The following MED24 variants were observed in gnomAD, a reference collection of about 807,000 sequenced individuals.
The protein encoded by MED24 is mediator complex subunit 24.
Under a neutral mutation model 118.8 loss-of-function variants are expected in MED24, and 74 were observed. That is an observed-to-expected ratio of 0.62 (90% CI 0.52 to 0.76). The LOEUF (loss-of-function observed/expected upper bound fraction) is 0.76, where lower values mean the gene tolerates loss of function less well. Ranked by LOEUF, MED24 falls within the 30% of genes least tolerant of loss-of-function variation. The pLI is 0.00. For synonymous variants in MED24, 521 were observed against 523.9 expected (o/e 0.99, Z 0.08); for missense variants, 1,041 against 1,278.9 (o/e 0.81, Z 2.84).
At chr17:40,036,270 C>A in intron 3 of MED24, 116 bp from the exon 4 acceptor site, 1 of 961,088 alleles carries the variant, frequency 1.0e-6, no homozygotes, top group South Asian at 1.4e-5. Flanking sequence ...CTTCCACAGG[C>A]CCTCTTCAAC....
intron 13 of MED24, among the ~76,000 whole-genome samples, chr17:40,029,381 A>G (rs1210168273): frequency 6.6e-6 from 1 of 152,104 alleles, no homozygotes; most frequent in African/African-American, 2.4e-5. Flanking sequence ...TGTTTTTAGT[A>G]GAGACTGGGT....
intron 24 of MED24, 114 bp downstream of exon 24, chr17:40,020,159 G>T: frequency 8.8e-7 from 1 of 1,138,150 alleles, no homozygotes; most frequent in Admixed American, 2.5e-5. Flanking sequence ...GCATGGAGAG[G>T]GAAGGGAGGG....
intron 24 of MED24, 40 bp downstream of exon 24, chr17:40,020,233 A>G (rs770084996): frequency 6.8e-7 from 1 of 1,469,654 alleles, no homozygotes; most frequent in Non-Finnish European, 9.1e-7. Context: ...AGACTCGTCC[A>G]GCTTAGCCCC....
chr17:40,024,177 C>T (rs181967449), intron 19 of MED24, among the ~76,000 whole-genome samples: 39 of 152,248 alleles, frequency 2.6e-4, no homozygotes, highest in East Asian at 1.2e-3. Flanking sequence ...AAGGGGAAAA[C>T]GAGATGTGCT....
rs1360694260 is a variant in MED24, at chr17:40,033,398, G to A, written c.618C>T (p.Leu206=). The A allele has an allele frequency of 2.5e-6, 4 of 1,611,526 alleles. No homozygotes were observed. Among genetic ancestry groups the A allele is most frequent in the Non-Finnish European group, 3.4e-6 (4 of 1,178,868 alleles). ...CCTGACTCCGGAGCTGCGGGTTGCT[G>A]AGATTGGCCAGGATCTCTCCAAGTT... ...LLKLGEILAN[L]SNPQLRSQAE... Residue 206 remains leucine (L), a synonymous_variant, in exon 7 of 26, where the codon CTC becomes CTT. Coordinates refer to ENST00000394128, the MANE Select transcript of MED24 (RefSeq NM_014815.4). This position sits in a 1 kb window ranked among gnomAD's most constrained non-coding sequence, Gnocchi z 5.2.
chr17:40,026,950 T>G lies in MED24; in HGVS notation c.1615A>C (p.Ile539Leu), dbSNP rs1982731317. 6.2e-7 allele frequency: 1 copy of G among 1,614,060 alleles called. No homozygotes were observed. The highest frequency in any genetic ancestry group is 1.1e-5 in the South Asian group (1 of 91,094). Reference protein sequence around the residue: ...MQTCMPEEGKILNPDHPCFRP... With the variant: ...MQTCMPEEGKLLNPDHPCFRP... ...AAGCAGGGGTGGTCAGGGTTCAGGA[T>G]CTTGCCCTCCTCAGGCATGCAGGTC... Residue 539 changes from isoleucine to leucine, a missense_variant, in exon 17 of 26, where the codon ATC becomes CTC. Ile to Leu is a conservative substitution (Grantham distance 5). Around this residue, in one of 3 missense-constraint regions of MED24, gnomAD observed 587 missense variants for 694.4 expected, o/e 0.85. Transcript: ENST00000394128.
At chr17:40,043,561 G>T (rs900442633) in intron 3 of MED24, among the ~76,000 whole-genome samples, 1 of 151,842 alleles carries the variant, frequency 6.6e-6, no homozygotes, top group Non-Finnish European at 1.5e-5. Context: ...TCCCTTACTG[G>T]ACTTTTGTCT....
chr17:40,050,574 C>T (rs147283006), intron 3 of MED24, among the ~76,000 whole-genome samples: 1 of 152,152 alleles, frequency 6.6e-6, no homozygotes, highest in African/African-American at 2.4e-5. Flanking sequence ...TGAGATCAGC[C>T]ATTGCACTCC....
chr17:40,021,924 G>A (rs1982060919), intron 23 of MED24, 31 bp downstream of exon 23: 1 of 1,478,208 alleles, frequency 6.8e-7, no homozygotes. Flanking sequence ...CCCAGGAAAA[G>A]GAGCGGCGCG....
chr17:40,019,728 C>A, intron 25 of MED24, 57 bp downstream of exon 25: 1 of 1,598,756 alleles, frequency 6.3e-7, no homozygotes, highest in South Asian at 1.1e-5. Context: ...CCTCCCTGCT[C>A]TAAGGGCTGC....
rs750937626 is a variant in MED24 at position 40,053,526 on chromosome 17, T to C, written c.73A>G (p.Ile25Val). The C allele has an allele frequency of 2.5e-6, 4 of 1,614,226 alleles. No individual in the cohort carries two copies. The Admixed American group carries it at 5.0e-5, about 20-fold the overall frequency. ...KERWSDYQWA[I>V]NMKKFFPKGA... is the part of the protein sequence containing the mutation. Reference sequence around the variant, plus strand: ...TTAGGAAAGAATTTCTTCATGTTGATTGCCCATTGGTAGTCACTCCAGCGC... The same window carrying C: ...TTAGGAAAGAATTTCTTCATGTTGACTGCCCATTGGTAGTCACTCCAGCGC... The change falls in exon 2 of 26, where the codon ATC (isoleucine) becomes GTC (valine). Residue 25 changes from isoleucine to valine, a missense_variant. Ile to Val is a conservative substitution (Grantham distance 29, BLOSUM62 3). Transcript: ENST00000394128.
intron 15 of MED24, 116 bp downstream of exon 15, chr17:40,027,793 G>C: frequency 8.7e-7 from 1 of 1,150,062 alleles, no homozygotes; most frequent in Non-Finnish European, 1.3e-6. Context: ...TCATGGCTCT[G>C]AGGAGGGAGC....
At chr17:40,043,199 C>T (rs146911764) in intron 3 of MED24, among the ~76,000 whole-genome samples, 1 of 152,278 alleles carries the variant, frequency 6.6e-6, no homozygotes, top group East Asian at 1.9e-4. Flanking sequence ...CCACCCACCT[C>T]GGCCTCCCAA....
In MED24 at chr17:40,036,115, C is replaced by A. The variant is rs1983906212; in HGVS notation, c.252+1G>T. ...TAGCTCCTGAGTGTCTATGGTCATA[C>A]CTTACTGATGGCTGTGAGGACAGAA... On this transcript the variant is annotated splice_donor_variant, in intron 4 of 25. Transcript: ENST00000394128. LOFTEE classifies it high-confidence loss of function. 1 of 1,611,850 alleles carries A rather than the reference C, an allele frequency of 6.2e-7. No homozygotes were observed. Among genetic ancestry groups the A allele is most frequent in the African/African-American group, 1.3e-5 (1 of 74,868 alleles).
intron 23 of MED24, 82 bp from the exon 24 acceptor site, chr17:40,020,435 C>A (rs549725136): frequency 4.5e-6 from 7 of 1,549,512 alleles, no homozygotes; most frequent in Non-Finnish European, 6.1e-6. Flanking sequence ...CCCAACCCGA[C>A]CTTCACCCAT....
Position 40,019,773 on chromosome 17 carries a change from G to T in MED24, c.2853+12C>A. The T allele has an allele frequency of 6.2e-7, 1 of 1,611,936 alleles. No homozygotes were observed. The highest frequency in any genetic ancestry group is 8.5e-7 in the Non-Finnish European group (1 of 1,178,740). Reference sequence around the variant, plus strand: ...CCAGCACCAGCAGGAGAGCCGGGAAGGTGGTACTCACGGTGGTGAAGGGCA... The same window carrying T: ...CCAGCACCAGCAGGAGAGCCGGGAATGTGGTACTCACGGTGGTGAAGGGCA... On this transcript the variant is annotated intron_variant, in intron 25 of 25. Transcript: ENST00000394128.
Position 40,020,325 on chromosome 17 carries a change from T to G in MED24, c.2652A>C (p.Ser884=). The G allele has an allele frequency of 6.3e-7, 1 of 1,597,560 alleles. No individual in the cohort carries two copies. Among genetic ancestry groups the G allele is most frequent in the Non-Finnish European group, 8.5e-7 (1 of 1,172,076 alleles). The change falls in exon 24 of 26, where the codon TCA becomes TCC. Residue 884 remains serine (S), a synonymous_variant. Transcript: ENST00000394128. The stretch of plus-strand genomic sequence containing the variant: ...TGTTGACCGTGTGGAGCTGAGAGGC[T>G]GAGAGGGAGCTGCTCATGGATCGGT... ...PTDRSMSSSL[S]ASQLHTVNMR...
In MED24 at chr17:40,050,151, CAA is replaced by C. The variant is rs530636875; in HGVS notation, c.213+3145_213+3146del. 9.0e-4 allele frequency among the ~76,000 whole-genome samples: 67 copies of C among 74,066 alleles called. No individual in the cohort carries two copies. In the South Asian group the frequency reaches 0.01, roughly 11 times the overall value. 48.6% of individuals were successfully genotyped at this position (74,066 alleles called of 152,430 possible). On this transcript the variant is annotated intron_variant, in intron 3 of 25. Coordinates refer to ENST00000394128, the MANE Select transcript of MED24 (RefSeq NM_014815.4). ...GGGGGACAAGAGTGAAACTCCGTCT[CAA>C]AAAAAAAAAAAAAAAAAGAGAGATA...
At chr17:40,031,469 G>A (rs2144904509) in intron 11 of MED24, 69 bp downstream of exon 11, 1 of 1,477,356 alleles carries the variant, frequency 6.8e-7, no homozygotes, top group Non-Finnish European at 9.4e-7. Context: ...AGGCTTCTCT[G>A]GCACAGAGAT....
Sources: gnomAD v4.1 joint callset for allele counts (sites outside exome capture counted in the v4.1 genomes callset) on GRCh38, gnomAD v4.1.1 for gene constraint, gnomAD v4.1.1 regional missense constraint, Gnocchi (gnomAD v3.1) non-coding constraint, MANE v1.5 for transcripts, NCBI Gene and HGNC (gene_info 2026-07-23, HGNC 2026-07-21) for gene names.